ZNF582: variants seen among roughly 807,000 people sequenced by gnomAD.
ZNF582 encodes the protein zinc finger protein 582.
In ZNF582, 14 loss-of-function variants were observed where a neutral mutation model predicts 12.3. The observed-to-expected ratio is 1.14, with a 90% CI of 0.75 to 1.78. ZNF582 has a LOEUF of 1.78. Among genes scored for constraint, ZNF582 ranks in the 40% most tolerant of loss-of-function variants. ZNF582 has a pLI of 0.00. For synonymous variants in ZNF582, 210 were observed against 207.2 expected, an observed-to-expected ratio of 1.01 and a Z score of -0.11; for missense variants, 567 against 616.5, an observed-to-expected ratio of 0.92 and a Z score of 0.85.
intron 1 of ZNF582, among the ~76,000 whole-genome samples, chr19:56,392,212 C>T (rs926046711): frequency 6.6e-6 from 1 of 152,212 alleles, no homozygotes; most frequent in African/African-American, 2.4e-5. Flanking sequence ...AGAATAAAGC[C>T]TTTCCAGGAC....
intron 4 of ZNF582, chr19:56,388,143 G>C (rs1023506587): frequency 5.5e-5 from 4 of 72,224 alleles, no homozygotes; most frequent in East Asian, 1.5e-3. Context: ...ATAAAAAAAG[G>C]GGGGGGGGAT....
chr19:56,384,916 TCTA>T (rs1819071218), exon 5 of ZNF582: 1 of 1,613,998 alleles, frequency 6.2e-7, no homozygotes, highest in South Asian at 1.1e-5. Context: ...AAGGTTTTTC[TCTA>T]GTATGAATTT....
chr19:56,384,634 C>T (rs1424050278), exon 5 of ZNF582: 1 of 1,613,922 alleles, frequency 6.2e-7, no homozygotes. Context: ...TAAAGGCCTT[C>T]TCACAATCTT....
Position 56,390,113 on chromosome 19 carries a change from A to T in ZNF582, c.137-17T>A. The T allele has an allele frequency of 3.7e-6, 6 of 1,612,090 alleles. No individual in the cohort carries two copies. The highest frequency in any genetic ancestry group is 5.1e-6 in the Non-Finnish European group (6 of 1,178,690). On this transcript the variant is annotated splice_polypyrimidine_tract_variant and intron_variant, in intron 3 of 4. Coordinates refer to ENST00000586929, the Ensembl canonical transcript of ZNF582. The stretch of plus-strand genomic sequence containing the variant: ...CGGCAAGACCTGGAGATGAGAAGAA[A>T]CATGCCACCTGGTTATGGTGTGGGG...
At chr19:56,386,867 G>T (rs555552508) in intron 4 of ZNF582, among the ~76,000 whole-genome samples, 1 of 152,348 alleles carries the variant, frequency 6.6e-6, no homozygotes, top group Admixed American at 6.5e-5. Flanking sequence ...TTTTTGCTGA[G>T]AATTTGATTC....
At chr19:56,393,140 TAAAAA>T in intron 1 of ZNF582, 75 bp downstream of exon 1, 1 of 993,134 alleles carries the variant, frequency 1.0e-6, no homozygotes, top group Non-Finnish European at 1.3e-6. Context: ...CCTCTCAGAT[TAAAAA>T]AAAAAAAAGG....
chr19:56,388,780 G>A lies in ZNF582; in HGVS notation c.232+1221C>T, dbSNP rs139149481. 4.4e-3 allele frequency among the ~76,000 whole-genome samples: 669 copies of A among 152,136 alleles called. 2 individuals carry two copies. The highest frequency in any genetic ancestry group is 0.031 in the Middle Eastern group (9 of 294). On this transcript the variant is annotated intron_variant, in intron 4 of 4. Transcript: ENST00000586929. ...CCCAAGTAGCTGGGATTATAGGCAC[G>A]TGCCACCACACCCGGCTAATTTTTG...
exon 1 of ZNF582, chr19:56,393,338 A>T (rs761556549): frequency 8.1e-5 from 87 of 1,078,712 alleles, no homozygotes; most frequent in Non-Finnish European, 1.0e-4. Context: ...CAGAGCGACG[A>T]TGAGGCGAGA....
exon 3 of ZNF582, chr19:56,390,390 T>A: frequency 6.2e-7 from 1 of 1,614,228 alleles, no homozygotes; most frequent in Non-Finnish European, 8.5e-7. Flanking sequence ...GAGACCAGGT[T>A]GCTGTAGGTC....
At chr19:56,389,445 T>C (rs754121809) in intron 4 of ZNF582, among the ~76,000 whole-genome samples, 1 of 152,136 alleles carries the variant, frequency 6.6e-6, no homozygotes, top group Non-Finnish European at 1.5e-5. Flanking sequence ...AAATACTGCA[T>C]GTTCTCACTT....
Position 56,384,448 on chromosome 19 carries a change from A to T in ZNF582, c.969T>A (p.Arg323=). 1.9e-6 allele frequency: 3 copies of T among 1,597,412 alleles called. No individual in the cohort carries two copies. In the South Asian group the frequency reaches 3.4e-5, roughly 18 times the overall value. Reference sequence around the variant, plus strand: ...CAGTCTGATGTTGAATCAACTGAGAACGATGACTAAAGGTTTTCCCACATT... The same window carrying T: ...CAGTCTGATGTTGAATCAACTGAGATCGATGACTAAAGGTTTTCCCACATT... Residue 323 remains arginine, a synonymous_variant, in exon 5 of 5, where the codon CGT becomes CGA. Coordinates refer to ENST00000586929, the Ensembl canonical transcript of ZNF582.
exon 5 of ZNF582, chr19:56,383,972 A>G (rs1336707382): frequency 1.2e-6 from 2 of 1,613,854 alleles, no homozygotes; most frequent in Non-Finnish European, 8.5e-7. Flanking sequence ...TTCTACATTT[A>G]TTATATTCAC....
At chr19:56,390,782 A>G (rs1400191386) in intron 2 of ZNF582, among the ~76,000 whole-genome samples, 1 of 152,238 alleles carries the variant, frequency 6.6e-6, no homozygotes, top group East Asian at 1.9e-4. Context: ...GAAACAGTGT[A>G]ATAAAGCACA....
rs567821329 is a variant in ZNF582, at chr19:56,383,067, C to T, written c.*796G>A. ...GAGATACTGGCCATACTGTGCTGCA[C>T]AGGAGACTGGAAAATTAGCATCTGA... On this transcript the variant is annotated 3_prime_UTR_variant, in exon 5 of 5. Transcript: ENST00000586929. 7.8e-4 allele frequency: 119 copies of T among 152,284 alleles called. 1 individual carries two copies. The highest frequency in any genetic ancestry group is 2.7e-3 in the African/African-American group (111 of 41,572). 9.4% of individuals were successfully genotyped at this position (152,284 alleles called of 1,614,324 possible). A position where few individuals can be genotyped will look rare whatever the true frequency, so the allele number is the denominator to read the frequency against.
chr19:56,387,823 A>G (rs2041980643), intron 4 of ZNF582: 1 of 152,172 alleles, frequency 6.6e-6, no homozygotes, highest in African/African-American at 2.4e-5. Flanking sequence ...GCCCACGCAA[A>G]TCTCTTTTCT....
chr19:56,387,120 ATATG>A, intron 4 of ZNF582, among the ~76,000 whole-genome samples: 1 of 152,248 alleles, frequency 6.6e-6, no homozygotes, highest in Non-Finnish European at 1.5e-5. Flanking sequence ...ATTTCAGTAT[ATATG>A]AGTGCTGTAT....
At chr19:56,382,953 G>A (rs2041929892) in exon 5 of ZNF582, 1 of 152,192 alleles carries the variant, frequency 6.6e-6, no homozygotes, top group African/African-American at 2.4e-5. Context: ...GGAAGTGAGA[G>A]AGGAGGAAGT....
At chr19:56,389,163 G>C (rs191699854) in intron 4 of ZNF582, among the ~76,000 whole-genome samples, 9 of 152,310 alleles carry the variant, frequency 5.9e-5, no homozygotes. Flanking sequence ...CTCATGTCCA[G>C]TGTGTATGAT....
Position 56,393,112 on chromosome 19 carries a change from C to A in ZNF582, c.-81+108G>T, listed in dbSNP as rs374981474. 13 of 967,212 alleles carry A rather than the reference C, an allele frequency of 1.3e-5. No homozygotes were observed. In the African/African-American group the frequency reaches 1.4e-4, roughly 10 times the overall value. 59.9% of individuals were successfully genotyped at this position (967,212 alleles called of 1,614,324 possible). A position where few individuals can be genotyped will look rare whatever the true frequency, so the allele number is the denominator to read the frequency against. On this transcript the variant is annotated intron_variant, in intron 1 of 4. Coordinates refer to ENST00000586929, the Ensembl canonical transcript of ZNF582. ...CTGGGGTCTTGTAACTCTCTGAGAA[C>A]CTCATGAAACAAGATTTCCTCTCAG...
Sources: allele counts gnomAD v4.1 joint callset (sites outside exome capture counted in the v4.1 genomes callset), GRCh38; gene constraint gnomAD v4.1.1; transcripts MANE v1.5; gene names NCBI Gene and HGNC (gene_info 2026-07-23, HGNC 2026-07-21).